SCFD2: variants seen among roughly 807,000 people sequenced by gnomAD.
The protein encoded by SCFD2 is sec1 family domain-containing protein 2.
Under a neutral mutation model 58.9 loss-of-function variants are expected in SCFD2, and 54 were observed. The ratio of observed to expected loss-of-function variants is 0.92; its 90% CI spans 0.74 to 1.15. The LOEUF (loss-of-function observed/expected upper bound fraction) is 1.15, where lower values mean the gene tolerates loss of function less well. Among genes scored for constraint, SCFD2 ranks in the 50% most tolerant of loss-of-function variants. SCFD2 has a pLI of 0.00. For missense variants in SCFD2, 805 were observed against 836.6 expected (o/e 0.96, Z 0.47); for synonymous variants, 321 against 335.9 (o/e 0.96, Z 0.49).
chr4:53,037,434 T>C lies in SCFD2; in HGVS notation c.1561+107899A>G, dbSNP rs552570699. Reference sequence around the variant, plus strand: ...GGAGTTTTTAAACAGATTTTTTTCATAATACAAAATTTTAAAGCTATAAAA... The same window carrying C: ...GGAGTTTTTAAACAGATTTTTTTCACAATACAAAATTTTAAAGCTATAAAA... On this transcript the variant is annotated intron_variant, in intron 5 of 8. Coordinates refer to ENST00000401642, the MANE Select transcript of SCFD2 (RefSeq NM_152540.4). Among the ~76,000 whole-genome samples, 11 of 152,274 alleles carry C rather than the reference T, an allele frequency of 7.2e-5. No individual in the cohort carries two copies. The South Asian group carries it at 2.3e-3, about 32-fold the overall frequency.
chr4:53,240,649 G>A (rs1223746518), intron 4 of SCFD2, among the ~76,000 whole-genome samples: 1 of 152,204 alleles, frequency 6.6e-6, no homozygotes, highest in Non-Finnish European at 1.5e-5. Context: ...ATTACTGTTT[G>A]AATCTCAAAA....
chr4:53,332,489 A>T (rs1408610673), intron 2 of SCFD2, among the ~76,000 whole-genome samples: 8 of 152,204 alleles, frequency 5.3e-5, no homozygotes, highest in Admixed American at 5.2e-4. Context: ...AGAACCAAAG[A>T]AAAAAACCAC....
chr4:53,337,054 A>C (rs1212302768), intron 2 of SCFD2, among the ~76,000 whole-genome samples: 1 of 152,192 alleles, frequency 6.6e-6, no homozygotes, highest in Admixed American at 6.5e-5. Flanking sequence ...AGTCTACTCC[A>C]GTTGCCATAA....
intron 5 of SCFD2, among the ~76,000 whole-genome samples, chr4:53,085,960 T>A (rs1264025044): frequency 6.6e-6 from 1 of 152,134 alleles, no homozygotes; most frequent in Non-Finnish European, 1.5e-5. Flanking sequence ...GTGGCAACTC[T>A]CCAGGAAATT....
intron 2 of SCFD2, among the ~76,000 whole-genome samples, chr4:53,349,666 T>C (rs1203039169): frequency 6.6e-6 from 1 of 152,208 alleles, no homozygotes; most frequent in Non-Finnish European, 1.5e-5. Flanking sequence ...TGTAATAGAA[T>C]CAGTGCTGGG....
At chr4:53,129,264 G>GA (rs989619671) in intron 5 of SCFD2, among the ~76,000 whole-genome samples, 8 of 151,516 alleles carry the variant, frequency 5.3e-5, no homozygotes, top group African/African-American at 1.5e-4. Flanking sequence ...AAAACGAACA[G>GA]AAAAAAATAG....
At chr4:53,180,144 A>G (rs976073721) in intron 4 of SCFD2, among the ~76,000 whole-genome samples, 2 of 152,222 alleles carry the variant, frequency 1.3e-5, no homozygotes, top group Non-Finnish European at 2.9e-5. Context: ...CTCTGCACCA[A>G]GCGGACCTAA....
intron 5 of SCFD2, among the ~76,000 whole-genome samples, chr4:53,116,883 A>C (rs1317516378): frequency 2.0e-5 from 3 of 152,240 alleles, no homozygotes; most frequent in African/African-American, 7.2e-5. Context: ...AACAGGTCTT[A>C]AAGCAACCAC....
At chr4:53,133,051 G>A (rs1361223891) in intron 5 of SCFD2, among the ~76,000 whole-genome samples, 2 of 152,096 alleles carry the variant, frequency 1.3e-5, no homozygotes, top group African/African-American at 2.4e-5. Context: ...GTTTGAGGCC[G>A]GGTGCGGTGG....
rs1247209323 is a variant in SCFD2, at chr4:52,993,405, TAAAAAAA to T, written c.1562-72542_1562-72536del. Among the ~76,000 whole-genome samples, 5 of 70,802 alleles carry T rather than the reference TAAAAAAA, an allele frequency of 7.1e-5. No individual in the cohort carries two copies. In the Admixed American group the frequency reaches 8.1e-4, roughly 12 times the overall value. 46.4% of individuals were successfully genotyped at this position (70,802 alleles called of 152,430 possible). On this transcript the variant is annotated intron_variant, in intron 5 of 8. Coordinates refer to ENST00000401642, the MANE Select transcript of SCFD2 (RefSeq NM_152540.4). ...GAATGATCAATAAATACTAAAAAAATAAAAAAATAAAAAAAGTATGTTTTTTAATTTA... is the reference window on the plus strand; with the variant it reads ...GAATGATCAATAAATACTAAAAAAATTAAAAAAAGTATGTTTTTTAATTTA...
rs546161284 is a variant in SCFD2, at chr4:53,314,490, G to A, written c.1008-727C>T. 5.3e-5 allele frequency among the ~76,000 whole-genome samples: 8 copies of A among 152,276 alleles called. No homozygotes were observed. The East Asian group carries it at 1.5e-3, about 29-fold the overall frequency. ...ATAAATGAGGGCAGTGTTCTTTCCGGAAGATCTCTGCCATGTAGCCAAGTA... is the reference window on the plus strand; with the variant it reads ...ATAAATGAGGGCAGTGTTCTTTCCGAAAGATCTCTGCCATGTAGCCAAGTA... On this transcript the variant is annotated intron_variant, in intron 2 of 8. Coordinates refer to ENST00000401642, the MANE Select transcript of SCFD2 (RefSeq NM_152540.4).
chr4:53,163,888 G>A (rs1326181952), intron 4 of SCFD2, among the ~76,000 whole-genome samples: 1 of 152,166 alleles, frequency 6.6e-6, no homozygotes, highest in Non-Finnish European at 1.5e-5. Flanking sequence ...GAAATTAACT[G>A]AAGGATACTT....
At chr4:52,913,345 C>G (rs754781299) in intron 6 of SCFD2, among the ~76,000 whole-genome samples, 1 of 152,142 alleles carries the variant, frequency 6.6e-6, no homozygotes, top group South Asian at 2.1e-4. Flanking sequence ...GCCTGAGTTC[C>G]GCCTCCTGTC....
At chr4:53,345,641 C>A (rs1158404798) in intron 2 of SCFD2, among the ~76,000 whole-genome samples, 1 of 152,062 alleles carries the variant, frequency 6.6e-6, no homozygotes, top group Non-Finnish European at 1.5e-5. Flanking sequence ...TAAAGACACA[C>A]GCACATGTAT....
intron 3 of SCFD2, among the ~76,000 whole-genome samples, chr4:53,279,834 G>C (rs1272906632): frequency 2.0e-5 from 3 of 152,174 alleles, no homozygotes; most frequent in African/African-American, 7.2e-5. Flanking sequence ...AGAGAAAAAT[G>C]AGTAGCAAAG....
intron 4 of SCFD2, among the ~76,000 whole-genome samples, chr4:53,231,082 T>G (rs1308032428): frequency 1.3e-5 from 2 of 152,072 alleles, no homozygotes; most frequent in Non-Finnish European, 2.9e-5. Context: ...GGTATTATTA[T>G]AGGTATATGC....
chr4:53,360,303 G>C (rs1316962811), intron 1 of SCFD2, among the ~76,000 whole-genome samples: 1 of 152,188 alleles, frequency 6.6e-6, no homozygotes, highest in Non-Finnish European at 1.5e-5. Context: ...CAATTTATCA[G>C]TTATTAGGAT....
intron 7 of SCFD2, among the ~76,000 whole-genome samples, chr4:52,901,722 G>A (rs1690384233): frequency 6.6e-6 from 1 of 152,180 alleles, no homozygotes; most frequent in Non-Finnish European, 1.5e-5. Flanking sequence ...TAGATAAGCA[G>A]AACAGGTGGA....
intron 7 of SCFD2, among the ~76,000 whole-genome samples, chr4:52,890,906 G>C (rs1461132145): frequency 6.6e-6 from 1 of 151,912 alleles, no homozygotes; most frequent in Non-Finnish European, 1.5e-5. Flanking sequence ...TAAGAGTTTG[G>C]GATCCTGATT....
Sources: allele counts gnomAD v4.1 joint callset (sites outside exome capture counted in the v4.1 genomes callset), GRCh38; gene constraint gnomAD v4.1.1; transcripts MANE v1.5; gene names NCBI Gene and HGNC (gene_info 2026-07-23, HGNC 2026-07-21).